The following UNC13C variants were observed in gnomAD, a reference collection of about 807,000 sequenced individuals.
UNC13C encodes the protein unc-13 homolog C.
Under a neutral mutation model 245.4 loss-of-function variants are expected in UNC13C, and 174 were observed. The ratio of observed to expected loss-of-function variants is 0.71; its 90% CI spans 0.63 to 0.80. UNC13C has a LOEUF of 0.80. Among genes scored for constraint, UNC13C ranks in the 30% least tolerant of loss-of-function variants. The pLI is 0.00. For synonymous variants in UNC13C, 992 were observed against 895.1 expected (o/e 1.11, Z -1.93); for missense variants, 2,829 against 2,602.9 (o/e 1.09, Z -1.89).
intron 4 of UNC13C, among the ~76,000 whole-genome samples, chr15:54,169,445 T>G (rs28629900): frequency 0.06 from 9,084 of 152,220 alleles, 328 homozygotes; most frequent in East Asian, 0.1. Flanking sequence ...TCTACTAAGC[T>G]CTCTTGTCAA....
Position 54,015,181 on chromosome 15 carries a change from T to C in UNC13C, c.2278T>C (p.Tyr760His). 1 of 1,612,914 alleles carries C rather than the reference T, an allele frequency of 6.2e-7. No individual in the cohort carries two copies. Residue 760 changes from tyrosine (Y) to histidine (H), a missense_variant, in exon 2 of 33, where the codon TAT becomes CAT. By Grantham distance (83) the Tyr-to-His change is moderately conservative. Transcript: ENST00000260323. ...YQNQNQLSMM[Y>H]RSQSELQSDD... is the part of the protein sequence containing the mutation. ...AAATCAAAACCAGTTGTCCATGATG[T>C]ATCGAAGTCAAAGTGAATTGCAAAG...
chr15:54,297,828 T>A lies in UNC13C; in HGVS notation c.4006T>A (p.Ser1336Thr). Reference protein sequence around the residue: ...WYNLEKRTDKSAVSGAIRLKI... With the variant: ...WYNLEKRTDKTAVSGAIRLKI... ...TTTATCAGAGAAAAGGACAGATAAG[T>A]CAGCTGTATCTGGGGCCATACGATT... The change falls in exon 12 of 33, where the codon TCA (serine) becomes ACA (threonine). Residue 1336 changes from serine (S) to threonine (T), a missense_variant. By Grantham distance (58) the Ser-to-Thr change is moderately conservative. Coordinates refer to ENST00000260323, the MANE Select transcript of UNC13C (RefSeq NM_001080534.3). The A allele has an allele frequency of 6.2e-7, 1 of 1,608,430 alleles. No homozygotes were observed. The highest frequency in any genetic ancestry group is 2.2e-5 in the East Asian group (1 of 44,754).
intron 19 of UNC13C, among the ~76,000 whole-genome samples, chr15:54,479,498 C>T (rs1892983229): frequency 6.6e-6 from 1 of 151,996 alleles, no homozygotes. Context: ...AGGCAGCATA[C>T]AGTCAGATTT....
intron 17 of UNC13C, among the ~76,000 whole-genome samples, chr15:54,353,525 T>A (rs1332393173): frequency 1.3e-5 from 2 of 152,168 alleles, no homozygotes; most frequent in Admixed American, 1.3e-4. Flanking sequence ...AGTTGTATTT[T>A]TCATCGCAGC....
chr15:54,059,108 G>A (rs907817310), intron 2 of UNC13C, among the ~76,000 whole-genome samples: 5 of 152,086 alleles, frequency 3.3e-5, no homozygotes, highest in African/African-American at 1.2e-4. Flanking sequence ...GGAAGTTCTG[G>A]CCAGGGCAAT....
intron 14 of UNC13C, among the ~76,000 whole-genome samples, chr15:54,327,364 A>C (rs942854150): frequency 1.6e-4 from 24 of 151,944 alleles, no homozygotes; most frequent in African/African-American, 5.1e-4. Flanking sequence ...GTCATATGAC[A>C]AAAAAATTGA....
intron 26 of UNC13C, among the ~76,000 whole-genome samples, chr15:54,540,758 C>T (rs1417958729): frequency 2.0e-5 from 3 of 152,078 alleles, no homozygotes; most frequent in Non-Finnish European, 4.4e-5. Context: ...AGAAATCCTA[C>T]GAGCTGCGCA....
intron 30 of UNC13C, among the ~76,000 whole-genome samples, chr15:54,595,238 C>A (rs778516302): frequency 2.0e-5 from 3 of 151,950 alleles, no homozygotes; most frequent in Non-Finnish European, 4.4e-5. Context: ...TGTGGAATGC[C>A]GTTATGCTCT....
intron 4 of UNC13C, among the ~76,000 whole-genome samples, chr15:54,198,699 G>A (rs1279165573): frequency 1.3e-5 from 2 of 152,112 alleles, no homozygotes; most frequent in African/African-American, 4.8e-5. Flanking sequence ...TGGGACAAAA[G>A]ATCTGAACAG....
chr15:54,292,784 A>T (rs1414534625), intron 10 of UNC13C, among the ~76,000 whole-genome samples: 1 of 151,206 alleles, frequency 6.6e-6, no homozygotes, highest in African/African-American at 2.4e-5. Flanking sequence ...GGTTGTATTG[A>T]TGACAAAAAT....
At position 54,494,638 on chromosome 15, in the gene UNC13C, C is replaced by A. The variant is rs1280848832; in HGVS notation, c.4964C>A (p.Thr1655Asn). The A allele has an allele frequency of 1.2e-6, 2 of 1,609,724 alleles. No individual in the cohort carries two copies. Among genetic ancestry groups the A allele is most frequent in the African/African-American group, 2.7e-5 (2 of 74,848 alleles). The change falls in exon 20 of 33, where the codon ACC (threonine) becomes AAC (asparagine). Residue 1655 changes from threonine to asparagine, a missense_variant. Physicochemically the swap from Thr to Asn is moderately conservative, Grantham distance 65 (BLOSUM62 0). Transcript: ENST00000260323. ...GAAAATCAGCGGTTATGCAAGAGCA[C>A]CGATTATATGAATTTGCATTTCAAA... The part of the protein sequence containing the change: ...EHENQRLCKS[T>N]DYMNLHFKVK...
intron 4 of UNC13C, among the ~76,000 whole-genome samples, chr15:54,184,536 C>A (rs140634069): frequency 1.5e-4 from 23 of 151,714 alleles, no homozygotes; most frequent in African/African-American, 5.1e-4. Flanking sequence ...TTTGTCCTTG[C>A]GATAGTTTGC....
chr15:54,626,355 C>CTG (rs1901145926), intron 32 of UNC13C, among the ~76,000 whole-genome samples: 1 of 152,032 alleles, frequency 6.6e-6, no homozygotes, highest in Non-Finnish European at 1.5e-5. Context: ...GCTTGATGGG[C>CTG]TGTGCAGTGT....
intron 19 of UNC13C, among the ~76,000 whole-genome samples, chr15:54,480,176 G>C (rs1055381261): frequency 6.6e-6 from 1 of 152,020 alleles, no homozygotes; most frequent in African/African-American, 2.4e-5. Context: ...TCTGTTGGAA[G>C]ATCTGTGAGC....
At chr15:54,133,261 A>T (rs1428373345) in intron 2 of UNC13C, among the ~76,000 whole-genome samples, 3 of 152,144 alleles carry the variant, frequency 2.0e-5, no homozygotes, top group Admixed American at 1.3e-4. Context: ...TTACGTTCAG[A>T]TTTACTTCTT....
intron 18 of UNC13C, among the ~76,000 whole-genome samples, chr15:54,400,144 T>C (rs73417782): frequency 0.12 from 17,494 of 151,950 alleles, 1,429 homozygotes; most frequent in African/African-American, 0.23. Context: ...GTTTAGTATT[T>C]ATCTCTAAAA....
intron 2 of UNC13C, among the ~76,000 whole-genome samples, chr15:54,042,874 A>G (rs937295241): frequency 3.1e-5 from 4 of 129,684 alleles, no homozygotes; most frequent in Non-Finnish European, 7.1e-5. Flanking sequence ...AGAAAAAGAA[A>G]AAGAAACCAC....
At chr15:54,004,143 A>G (rs1157720635) in intron 1 of UNC13C, among the ~76,000 whole-genome samples, 2 of 152,144 alleles carry the variant, frequency 1.3e-5, no homozygotes, top group African/African-American at 4.8e-5. Flanking sequence ...AACCATCTGC[A>G]TCTTCCTTCT....
downstream of UNC13C, chr15:54,632,294 A>G (rs1255980216): frequency 2.6e-5 from 4 of 152,162 alleles, no homozygotes; most frequent in South Asian, 8.3e-4. Context: ...TTTCATTTTT[A>G]TAACAACCTC....
Sources: allele counts gnomAD v4.1 joint callset (sites outside exome capture counted in the v4.1 genomes callset), GRCh38; gene constraint gnomAD v4.1.1; transcripts MANE v1.5; gene names NCBI Gene and HGNC (gene_info 2026-07-23, HGNC 2026-07-21).